TSNARE1: variants seen among roughly 807,000 people sequenced by gnomAD.
The protein encoded by TSNARE1 is t-SNARE domain-containing protein 1.
A neutral mutation model predicts 62.0 loss-of-function variants in TSNARE1; 49 were observed. That is an observed-to-expected ratio of 0.79 (90% CI 0.63 to 1.00). The LOEUF is 1.00. TSNARE1 is among the 50% of genes least tolerant of loss of function. TSNARE1 has a pLI of 0.00. For synonymous variants in TSNARE1, 328 were observed against 294.4 expected (o/e 1.11, Z -1.17); for missense variants, 755 against 700.1 (o/e 1.08, Z -0.88).
In TSNARE1 at chr8:142,291,632, G is replaced by A. The variant is rs985849951; in HGVS notation, c.1291-7147C>T. ...GAGCTGCTGCGAACGCAGACGTGAC[G>A]GGAACAGGCAACGCCGTTGCCTCCG... On this transcript the variant is annotated intron_variant, in intron 10 of 13. Transcript: ENST00000524325. This position sits in a 1 kb window ranked among gnomAD's most constrained non-coding sequence, Gnocchi z 4.8. Among the ~76,000 whole-genome samples, 41 of 152,136 alleles carry A rather than the reference G, an allele frequency of 2.7e-4. No homozygotes were observed. The highest frequency in any genetic ancestry group is 9.4e-4 in the African/African-American group (39 of 41,522).
intron 10 of TSNARE1, among the ~76,000 whole-genome samples, chr8:142,286,374 G>A (rs1011619830): frequency 5.9e-5 from 9 of 152,228 alleles, no homozygotes; most frequent in African/African-American, 2.2e-4. Context: ...CTCTTTAGGA[G>A]TATTCTGGGA....
chr8:142,232,671 A>T (rs1491003286), intron 12 of TSNARE1, among the ~76,000 whole-genome samples: 1 of 152,192 alleles, frequency 6.6e-6, no homozygotes, highest in Non-Finnish European at 1.5e-5. Flanking sequence ...GCCCTTCCAC[A>T]GCCTCCTCTC....
intron 4 of TSNARE1, among the ~76,000 whole-genome samples, chr8:142,337,197 A>C (rs913333266): frequency 1.3e-5 from 2 of 152,248 alleles, no homozygotes; most frequent in Non-Finnish European, 2.9e-5. Flanking sequence ...TAATAAAATC[A>C]ATCGATTTAC....
chr8:142,330,897 T>A lies in TSNARE1; in HGVS notation c.893+4A>T, dbSNP rs772027958. 5.0e-6 allele frequency: 8 copies of A among 1,613,826 alleles called. No individual in the cohort carries two copies. In the Admixed American group the frequency reaches 1.3e-4, roughly 27 times the overall value. ...CAAAGAGATACCATGGCCCACACAC[T>A]CACAGGCTGTCCCGAAGCTCCTGCG... On this transcript the variant is annotated splice_donor_region_variant and intron_variant, in intron 6 of 13. Coordinates refer to ENST00000524325, the MANE Select transcript of TSNARE1 (RefSeq NM_145003.5).
intron 12 of TSNARE1, among the ~76,000 whole-genome samples, chr8:142,247,044 A>C (rs1817916205): frequency 1.3e-5 from 2 of 152,166 alleles, no homozygotes; most frequent in South Asian, 4.1e-4. Flanking sequence ...TGTCCTGTAC[A>C]TGCAGCTCTC....
chr8:142,222,237 T>TTCAC lies in TSNARE1; in HGVS notation c.*11+7232_*11+7235dup, dbSNP rs370304878. Among the ~76,000 whole-genome samples the TTCAC allele has an allele frequency of 5.1e-3, 115 of 22,370 alleles. 8 individuals carry two copies. The highest frequency in any genetic ancestry group is 8.8e-3 in the Admixed American group (22 of 2,512). 14.7% of individuals were successfully genotyped at this position (22,370 alleles called of 152,430 possible). A position where few individuals can be genotyped will look rare whatever the true frequency, so the allele number is the denominator to read the frequency against. On this transcript the variant is annotated intron_variant, in intron 13 of 13. Transcript: ENST00000524325. ...GCTCATTCACTCACTCATCCACTCATTCACTCACTCACTCATCCACTCATC... is the reference window on the plus strand; with the variant it reads ...GCTCATTCACTCACTCATCCACTCATTCACTCACTCACTCACTCATCCACTCATC...
intron 12 of TSNARE1, chr8:142,274,077 C>T: frequency 1.0e-6 from 1 of 985,392 alleles, no homozygotes; most frequent in South Asian, 4.7e-5. Context: ...CCACCCTCAC[C>T]TTGCTGGACT....
intron 2 of TSNARE1, among the ~76,000 whole-genome samples, chr8:142,346,994 G>A (rs1333730706): frequency 6.6e-6 from 1 of 152,236 alleles, no homozygotes; most frequent in Non-Finnish European, 1.5e-5. Context: ...CCCCCAGACA[G>A]CACTGCCCAA....
chr8:142,245,552 G>A (rs983926787), intron 12 of TSNARE1, among the ~76,000 whole-genome samples: 1 of 152,194 alleles, frequency 6.6e-6, no homozygotes, highest in African/African-American at 2.4e-5. Flanking sequence ...ATGACAAAAG[G>A]CCAGTCTCAG....
intron 12 of TSNARE1, among the ~76,000 whole-genome samples, chr8:142,272,151 T>TTATC (rs71514078): frequency 1.3e-5 from 2 of 151,012 alleles, no homozygotes; most frequent in African/African-American, 4.9e-5. Flanking sequence ...TTCCTTCTAT[T>TTATC]CATCCATCCA....
At chr8:142,349,942 A>T (rs909760874) in intron 2 of TSNARE1, among the ~76,000 whole-genome samples, 3 of 141,432 alleles carry the variant, frequency 2.1e-5, no homozygotes, top group Non-Finnish European at 4.6e-5. Context: ...TGGGACAAAG[A>T]CTAGCAGGGC....
chr8:142,256,485 C>CCACCAT (rs1450170088), intron 12 of TSNARE1, among the ~76,000 whole-genome samples: 1 of 149,434 alleles, frequency 6.7e-6, no homozygotes, highest in African/African-American at 2.5e-5. Context: ...ACTATCACCA[C>CCACCAT]CACCATCACC....
At chr8:142,230,767 AC>A (rs1817063948) in intron 12 of TSNARE1, among the ~76,000 whole-genome samples, 1 of 148,586 alleles carries the variant, frequency 6.7e-6, no homozygotes, top group African/African-American at 2.5e-5. Context: ...CATTAATGCA[AC>A]CATCCATCCA....
At chr8:142,222,521 C>A (rs1328157865) in intron 13 of TSNARE1, among the ~76,000 whole-genome samples, 24 of 87,842 alleles carry the variant, frequency 2.7e-4, no homozygotes, top group South Asian at 4.3e-4. Flanking sequence ...CTCACTCACT[C>A]ATCCACTCAC....
At chr8:142,239,851 A>G (rs1047920090) in intron 12 of TSNARE1, among the ~76,000 whole-genome samples, 3 of 152,226 alleles carry the variant, frequency 2.0e-5, no homozygotes, top group Admixed American at 6.5e-5. Context: ...GGTGGATGGG[A>G]CCCAAAGAGG....
intron 12 of TSNARE1, among the ~76,000 whole-genome samples, chr8:142,235,748 C>T (rs146665200): frequency 1.8e-3 from 276 of 152,268 alleles, no homozygotes; most frequent in African/African-American, 6.0e-3. Context: ...AGGCCAAAGG[C>T]GGCAGCGGGT....
chr8:142,213,860 G>A (rs1365996046), intron 13 of TSNARE1, among the ~76,000 whole-genome samples: 3 of 152,136 alleles, frequency 2.0e-5, no homozygotes, highest in African/African-American at 7.2e-5. Context: ...ACCTGGTGCT[G>A]TGGGGCTCCC....
At chr8:142,323,159 T>C (rs1039308747) in intron 6 of TSNARE1, among the ~76,000 whole-genome samples, 1 of 152,256 alleles carries the variant, frequency 6.6e-6, no homozygotes, top group Admixed American at 6.5e-5. Context: ...GATGACGATA[T>C]TGTTATGATG....
intron 6 of TSNARE1, chr8:142,326,335 CA>C (rs1287536057): frequency 2.5e-5 from 3 of 121,550 alleles, no homozygotes; most frequent in East Asian, 2.7e-4. Flanking sequence ...GACCACGAGA[CA>C]GATGAGGAAC....
Sources: allele counts gnomAD v4.1 joint callset (sites outside exome capture counted in the v4.1 genomes callset), GRCh38; gene constraint gnomAD v4.1.1; non-coding constraint Gnocchi (gnomAD v3.1); transcripts MANE v1.5; gene names NCBI Gene and HGNC (gene_info 2026-07-23, HGNC 2026-07-21).